The following MARK3 variants were observed in gnomAD, a reference collection of about 807,000 sequenced individuals.
MARK3 encodes microtubule affinity regulating kinase 3.
A neutral mutation model predicts 90.1 loss-of-function variants in MARK3; 46 were observed. The observed-to-expected ratio is 0.51, with a 90% CI of 0.40 to 0.65. MARK3 has a LOEUF of 0.65. Among genes scored for constraint, MARK3 ranks in the 30% least tolerant of loss-of-function variants. The pLI, the probability that MARK3 is intolerant of heterozygous loss-of-function variation, is 0.00. For missense variants in MARK3, 818 were observed against 947.2 expected (o/e 0.86, Z 1.79); for synonymous variants, 321 against 332.6 (o/e 0.97, Z 0.38).
intron 2 of MARK3, chr14:103,412,729 A>G: frequency 1.8e-6 from 1 of 567,436 alleles, no homozygotes; most frequent in Non-Finnish European, 3.3e-6. Context: ...GCACCGCCTC[A>G]TCCAGGGTGT....
chr14:103,444,128 CTCTTTTTTT>C (rs1046682382), intron 3 of MARK3, among the ~76,000 whole-genome samples: 32 of 108,614 alleles, frequency 2.9e-4, no homozygotes, highest in African/African-American at 1.1e-3. Context: ...AATTCTCTCT[CTCTTTTTTT>C]TCTACTTGTC....
At chr14:103,423,977 G>T (rs918309797) in intron 2 of MARK3, among the ~76,000 whole-genome samples, 1 of 152,046 alleles carries the variant, frequency 6.6e-6, no homozygotes, top group Non-Finnish European at 1.5e-5. Context: ...AGGCCGAGGC[G>T]GGTGGATCAC....
intron 15 of MARK3, among the ~76,000 whole-genome samples, chr14:103,496,507 G>A (rs1411368673): frequency 6.6e-6 from 1 of 152,092 alleles, no homozygotes; most frequent in Non-Finnish European, 1.5e-5. Context: ...CTGCCTCCTG[G>A]GTTCAAGCGA....
At chr14:103,389,363 CAAA>C (rs574837222) in intron 1 of MARK3, among the ~76,000 whole-genome samples, 10 of 130,020 alleles carry the variant, frequency 7.7e-5, no homozygotes, top group African/African-American at 2.6e-4. Flanking sequence ...GACTCCATCT[CAAA>C]AAAAAAAAAA....
At chr14:103,410,140 A>T (rs1193326457) in intron 2 of MARK3, among the ~76,000 whole-genome samples, 1 of 152,230 alleles carries the variant, frequency 6.6e-6, no homozygotes, top group African/African-American at 2.4e-5. Context: ...GCTGTAACAC[A>T]ATACCAGGGA....
At chr14:103,389,899 A>C (rs946100892) in intron 1 of MARK3, among the ~76,000 whole-genome samples, 1 of 138,828 alleles carries the variant, frequency 7.2e-6, no homozygotes, top group Non-Finnish European at 1.5e-5. Context: ...AGCTGAGATC[A>C]AGCCATTGCC....
rs903471741 is a variant in MARK3 at position 103,475,066 on chromosome 14, A to G, written c.1338A>G (p.Lys446=). The G allele has an allele frequency of 1.4e-5, 22 of 1,614,122 alleles. No individual in the cohort carries two copies. Among genetic ancestry groups the G allele is most frequent in the East Asian group, 4.5e-5 (2 of 44,904 alleles). ...CCAGCACTGCAGATAGTGACCTCAA[A>G]GAAGATGGAATTTCCTCCCGGAAAT... ...SQTSTADSDL[K]EDGISSRKSS... is the part of the protein sequence containing the mutation. Residue 446 remains lysine, a synonymous_variant, in exon 13 of 18, where the codon AAA becomes AAG. Coordinates refer to ENST00000429436, the MANE Select transcript of MARK3 (RefSeq NM_001128918.3).
chr14:103,434,222 C>T (rs2092661099), intron 3 of MARK3, among the ~76,000 whole-genome samples: 1 of 152,178 alleles, frequency 6.6e-6, no homozygotes, highest in African/African-American at 2.4e-5. Flanking sequence ...ACCAAATCAA[C>T]TAAAATTGTA....
chr14:103,392,293 C>A (rs1794544022), intron 1 of MARK3, among the ~76,000 whole-genome samples: 1 of 152,148 alleles, frequency 6.6e-6, no homozygotes, highest in Non-Finnish European at 1.5e-5. Flanking sequence ...TTTAGGATTT[C>A]CTGCTCCTTG....
intron 2 of MARK3, among the ~76,000 whole-genome samples, chr14:103,420,250 A>T (rs902422948): frequency 6.6e-6 from 1 of 152,052 alleles, no homozygotes; most frequent in Admixed American, 6.6e-5. Flanking sequence ...TCTTTTTGAG[A>T]CAGAGTCTTG....
intron 2 of MARK3, among the ~76,000 whole-genome samples, chr14:103,419,259 C>G (rs1484097987): frequency 1.3e-5 from 2 of 151,880 alleles, no homozygotes; most frequent in African/African-American, 4.8e-5. Context: ...CCACTGTACT[C>G]CAGCCTGGGT....
intron 3 of MARK3, among the ~76,000 whole-genome samples, chr14:103,446,535 TAAAC>T (rs752299374): frequency 1.6e-4 from 25 of 151,602 alleles, no homozygotes; most frequent in Admixed American, 2.6e-4. Context: ...AATAAATAAA[TAAAC>T]AAACAGTATG....
chr14:103,443,226 A>G (rs1296770815), intron 3 of MARK3, among the ~76,000 whole-genome samples: 1 of 152,220 alleles, frequency 6.6e-6, no homozygotes, highest in Non-Finnish European at 1.5e-5. Context: ...AGTAGTTAAC[A>G]TATTGCCAAA....
At chr14:103,477,528 T>G (rs1360591269) in intron 13 of MARK3, among the ~76,000 whole-genome samples, 3 of 152,090 alleles carry the variant, frequency 2.0e-5, no homozygotes, top group Non-Finnish European at 2.9e-5. Flanking sequence ...TGTGACTTGT[T>G]CCTTGCTTTT....
intron 1 of MARK3, among the ~76,000 whole-genome samples, chr14:103,401,425 A>C (rs1422921460): frequency 6.6e-6 from 1 of 152,164 alleles, no homozygotes; most frequent in Non-Finnish European, 1.5e-5. Flanking sequence ...CATACCACCA[A>C]CATCCTCATG....
Position 103,503,010 on chromosome 14 carries a change from T to C in MARK3, c.2045T>C (p.Val682Ala), listed in dbSNP as rs780268014. Residue 682 changes from valine (V) to alanine (A), a missense_variant, in exon 18 of 18, where the codon GTG becomes GCG. By Grantham distance (64) the Val-to-Ala change is moderately conservative. Transcript: ENST00000429436. Reference protein sequence around the residue: ...PGDMMREIRKVLDANNCDYEQ... With the variant: ...PGDMMREIRKALDANNCDYEQ... ...GACATGATGCGGGAAATCCGCAAAG[T>C]GTTGGACGCCAATAACTGCGACTAT... The C allele has an allele frequency of 2.5e-6, 4 of 1,614,092 alleles. No homozygotes were observed. The highest frequency in any genetic ancestry group is 3.4e-6 in the Non-Finnish European group (4 of 1,180,052).
At chr14:103,402,183 C>T (rs897698340) in intron 1 of MARK3, among the ~76,000 whole-genome samples, 11 of 152,102 alleles carry the variant, frequency 7.2e-5, no homozygotes, top group African/African-American at 1.4e-4. Context: ...GTGGAAGAAG[C>T]GCTAAGGAGT....
intron 1 of MARK3, among the ~76,000 whole-genome samples, chr14:103,395,973 C>G (rs182397117): frequency 2.4e-4 from 36 of 152,296 alleles, no homozygotes; most frequent in African/African-American, 8.7e-4. Flanking sequence ...ATCACTTGGC[C>G]TAGGCAAGCA....
intron 12 of MARK3, among the ~76,000 whole-genome samples, chr14:103,471,682 C>G (rs2093627451): frequency 6.6e-6 from 1 of 152,110 alleles, no homozygotes; most frequent in East Asian, 1.9e-4. Flanking sequence ...TAATCTGTAG[C>G]TGTCCTTCCT....
Sources: gnomAD v4.1 joint callset for allele counts (sites outside exome capture counted in the v4.1 genomes callset) on GRCh38, gnomAD v4.1.1 for gene constraint, MANE v1.5 for transcripts, NCBI Gene and HGNC (gene_info 2026-07-23, HGNC 2026-07-21) for gene names.